The following ARL15 variants were observed in gnomAD, a reference collection of about 807,000 sequenced individuals.
The protein encoded by ARL15 is ADP-ribosylation factor-like protein 15.
In ARL15, 19 loss-of-function variants were observed where a neutral mutation model predicts 25.2. The observed-to-expected ratio is 0.75, with a 90% CI of 0.53 to 1.10. The LOEUF is 1.10. Among genes scored for constraint, ARL15 ranks in the 50% least tolerant of loss-of-function variants. ARL15 has a pLI of 0.00. For missense variants in ARL15, 220 were observed against 246.0 expected (o/e 0.89, Z 0.71); for synonymous variants, 94 against 86.8 (o/e 1.08, Z -0.46).
At chr5:54,033,718 T>A (rs1159254812) in intron 4 of ARL15, among the ~76,000 whole-genome samples, 1 of 152,040 alleles carries the variant, frequency 6.6e-6, no homozygotes, top group East Asian at 1.9e-4. Context: ...CTTTTAGAGT[T>A]GTTGAATATT....
At chr5:54,241,704 G>C (rs1427011739) in intron 1 of ARL15, among the ~76,000 whole-genome samples, 1 of 152,048 alleles carries the variant, frequency 6.6e-6, no homozygotes, top group Non-Finnish European at 1.5e-5. Flanking sequence ...TTATATAATA[G>C]GCATGTGTAG....
intron 3 of ARL15, among the ~76,000 whole-genome samples, chr5:54,122,430 T>C (rs1016820173): frequency 1.3e-5 from 2 of 152,248 alleles, no homozygotes; most frequent in African/African-American, 4.8e-5. Context: ...TGCACGTGCA[T>C]GCGTGCGCAA....
chr5:54,023,592 G>A (rs1176464975), intron 4 of ARL15, among the ~76,000 whole-genome samples: 1 of 151,590 alleles, frequency 6.6e-6, no homozygotes, highest in East Asian at 1.9e-4. Flanking sequence ...CTCAGAAACT[G>A]ATACACCAAA....
chr5:53,893,283 C>A (rs113207397), intron 4 of ARL15, among the ~76,000 whole-genome samples: 3 of 151,996 alleles, frequency 2.0e-5, no homozygotes, highest in African/African-American at 7.2e-5. Flanking sequence ...CCTGCGAGTA[C>A]AACAAATCAG....
At chr5:54,117,243 C>T (rs549627260) in intron 3 of ARL15, among the ~76,000 whole-genome samples, 102 of 152,180 alleles carry the variant, frequency 6.7e-4, no homozygotes, top group African/African-American at 2.4e-3. Flanking sequence ...TTTACTAGAG[C>T]TTGTCCCTTG....
At chr5:53,966,867 C>A (rs935609236) in intron 4 of ARL15, among the ~76,000 whole-genome samples, 9 of 152,116 alleles carry the variant, frequency 5.9e-5, no homozygotes, top group African/African-American at 2.2e-4. Context: ...TCCTCAGAAA[C>A]TAGATGTACA....
At chr5:54,111,020 T>C (rs142081963) in intron 4 of ARL15, among the ~76,000 whole-genome samples, 85 of 152,000 alleles carry the variant, frequency 5.6e-4, no homozygotes, top group Middle Eastern at 3.4e-3. Flanking sequence ...AAAGTAAGTA[T>C]AACCATGTCA....
intron 1 of ARL15, among the ~76,000 whole-genome samples, chr5:54,225,122 C>T (rs559160999): frequency 1.3e-5 from 2 of 152,260 alleles, no homozygotes; most frequent in African/African-American, 4.8e-5. Context: ...GTAATTAAAG[C>T]CCCTAAAGGG....
chr5:54,223,403 C>T (rs1756433395), intron 1 of ARL15, among the ~76,000 whole-genome samples: 3 of 151,976 alleles, frequency 2.0e-5, no homozygotes, highest in South Asian at 2.1e-4. Context: ...TTTCTTGTGG[C>T]GTTTTAGAGT....
intron 1 of ARL15, among the ~76,000 whole-genome samples, chr5:54,230,636 T>A (rs1756645523): frequency 6.6e-6 from 1 of 152,156 alleles, no homozygotes; most frequent in Non-Finnish European, 1.5e-5. Flanking sequence ...AAAGGTGTCA[T>A]CTGGACCCTC....
chr5:53,911,286 A>G (rs3797290), intron 4 of ARL15, among the ~76,000 whole-genome samples: 143,467 of 152,194 alleles, frequency 0.94, 68,136 homozygotes, highest in Non-Finnish European at 1. Flanking sequence ...AAAATCCAAG[A>G]GACTCTTCAA....
intron 1 of ARL15, among the ~76,000 whole-genome samples, chr5:54,232,931 G>A (rs1351185326): frequency 2.0e-5 from 3 of 152,158 alleles, no homozygotes; most frequent in African/African-American, 4.8e-5. Flanking sequence ...GGGTCCCCAA[G>A]ACCCTTTCAG....
At chr5:53,901,055 A>G (rs1369473301) in intron 4 of ARL15, among the ~76,000 whole-genome samples, 2 of 152,216 alleles carry the variant, frequency 1.3e-5, no homozygotes, top group African/African-American at 4.8e-5. Context: ...TTGTCTTTGC[A>G]TGCAGGTGCA....
At chr5:54,292,754 G>A (rs35955) in intron 1 of ARL15, among the ~76,000 whole-genome samples, 37,027 of 151,854 alleles carry the variant, frequency 0.24, 5,386 homozygotes, top group African/African-American at 0.42. Context: ...TTATACTGTC[G>A]TCTCACTCAG....
chr5:54,119,474 T>C (rs1437022232), intron 3 of ARL15, among the ~76,000 whole-genome samples: 1 of 152,126 alleles, frequency 6.6e-6, no homozygotes, highest in African/African-American at 2.4e-5. Flanking sequence ...ACCAAGATAC[T>C]TACCTAGAAA....
intron 4 of ARL15, among the ~76,000 whole-genome samples, chr5:54,086,730 G>C (rs1751975282): frequency 6.6e-6 from 1 of 151,926 alleles, no homozygotes; most frequent in Non-Finnish European, 1.5e-5. Flanking sequence ...AAATCAGAAT[G>C]GGTTAAAAAA....
At chr5:53,989,666 G>C (rs1310429556) in intron 4 of ARL15, among the ~76,000 whole-genome samples, 1 of 151,580 alleles carries the variant, frequency 6.6e-6, no homozygotes, top group Non-Finnish European at 1.5e-5. Context: ...GTTCTGCGAG[G>C]TTTGATTCTC....
chr5:54,080,679 T>A (rs1457426209), intron 4 of ARL15, among the ~76,000 whole-genome samples: 1 of 152,176 alleles, frequency 6.6e-6, no homozygotes, highest in Non-Finnish European at 1.5e-5. Flanking sequence ...TCATAAAATA[T>A]AAATATCAAA....
intron 4 of ARL15, among the ~76,000 whole-genome samples, chr5:54,096,353 ATTGT>A (rs1752286987): frequency 6.6e-6 from 1 of 152,320 alleles, no homozygotes; most frequent in South Asian, 2.1e-4. Flanking sequence ...TGCAAAAAAT[ATTGT>A]TTGAAGAGAA....
Sources: allele counts gnomAD v4.1 joint callset (sites outside exome capture counted in the v4.1 genomes callset), GRCh38; gene constraint gnomAD v4.1.1; transcripts MANE v1.5; gene names NCBI Gene and HGNC (gene_info 2026-07-23, HGNC 2026-07-21).